The following NTN4 variants were observed in gnomAD, a reference collection of about 807,000 sequenced individuals.
NTN4 encodes netrin 4.
Under a neutral mutation model 73.6 loss-of-function variants are expected in NTN4, and 32 were observed. The observed-to-expected ratio is 0.44, with a 90% CI of 0.33 to 0.58. NTN4 has a LOEUF of 0.58. Among genes scored for constraint, NTN4 ranks in the 20% least tolerant of loss-of-function variants. The probability of loss-of-function intolerance (pLI) is 0.04; values close to 1 mark genes in which losing one functional copy is unlikely to be tolerated. For missense variants in NTN4, 654 were observed against 798.3 expected (o/e 0.82, Z 2.18); for synonymous variants, 258 against 287.5 (o/e 0.90, Z 1.04).
At chr12:95,743,673 CTT>C (rs1458534367) in intron 2 of NTN4, among the ~76,000 whole-genome samples, 2 of 152,140 alleles carry the variant, frequency 1.3e-5, no homozygotes, top group Non-Finnish European at 2.9e-5. Context: ...TGATTTCTAA[CTT>C]AATTTCATTG....
chr12:95,701,102 C>G (rs1368558622), intron 5 of NTN4, among the ~76,000 whole-genome samples: 1 of 152,114 alleles, frequency 6.6e-6, no homozygotes, highest in Non-Finnish European at 1.5e-5. Flanking sequence ...TGTGAGCCAC[C>G]ACCCCTGCTG....
rs190873550 is a variant in NTN4 at position 95,746,826 on chromosome 12, G to A, written c.586-8682C>T. On this transcript the variant is annotated intron_variant, in intron 2 of 9. Transcript: ENST00000343702. The stretch of plus-strand genomic sequence containing the variant: ...TAGGCAGTAAGCTGGGGTAATTGTA[G>A]GGCTCACCTCATTTGTTTCCCTTCT... 1.7e-4 allele frequency among the ~76,000 whole-genome samples: 26 copies of A among 152,216 alleles called. No individual in the cohort carries two copies. In the East Asian group the frequency reaches 3.7e-3, roughly 21 times the overall value.
intron 3 of NTN4, among the ~76,000 whole-genome samples, chr12:95,734,329 C>A (rs1314881803): frequency 7.9e-5 from 12 of 152,108 alleles, no homozygotes; most frequent in Admixed American, 7.9e-4. Context: ...AGCATTAGAA[C>A]ACCTGGAGGG....
At chr12:95,782,605 C>T (rs889159599) in intron 2 of NTN4, among the ~76,000 whole-genome samples, 6 of 152,146 alleles carry the variant, frequency 3.9e-5, no homozygotes, top group African/African-American at 1.4e-4. Flanking sequence ...TAATCCTTTT[C>T]TATTCAAAGA....
intron 3 of NTN4, among the ~76,000 whole-genome samples, chr12:95,719,417 A>G (rs1039606758): frequency 1.1e-4 from 16 of 152,212 alleles, no homozygotes; most frequent in African/African-American, 3.6e-4. Context: ...CTCTATAGCT[A>G]TGACACATAA....
chr12:95,714,292 C>T (rs1224338244), intron 3 of NTN4, among the ~76,000 whole-genome samples: 2 of 152,072 alleles, frequency 1.3e-5, no homozygotes, highest in African/African-American at 2.4e-5. Flanking sequence ...CATTCCAGTA[C>T]CAAGATTATT....
intron 2 of NTN4, among the ~76,000 whole-genome samples, chr12:95,770,543 T>G (rs1160810948): frequency 6.6e-6 from 1 of 152,146 alleles, no homozygotes; most frequent in Admixed American, 6.6e-5. Flanking sequence ...GGACACAGAA[T>G]ATGAGAGAAG....
intron 2 of NTN4, among the ~76,000 whole-genome samples, chr12:95,747,276 A>T (rs940761888): frequency 1.3e-5 from 2 of 152,120 alleles, no homozygotes; most frequent in Non-Finnish European, 2.9e-5. Flanking sequence ...TCCCATTATA[A>T]CTTTTCAAAT....
intron 2 of NTN4, among the ~76,000 whole-genome samples, chr12:95,779,228 A>G (rs1214260725): frequency 1.3e-5 from 2 of 152,224 alleles, no homozygotes; most frequent in Admixed American, 1.3e-4. Context: ...AACTGGAAGC[A>G]TTCCCTTTGA....
intron 2 of NTN4, among the ~76,000 whole-genome samples, chr12:95,751,800 C>T (rs1249228298): frequency 8.3e-6 from 1 of 120,966 alleles, no homozygotes; most frequent in Admixed American, 8.0e-5. Context: ...GCCTGTTTCC[C>T]TTGCCTCCAT....
chr12:95,678,947 T>A lies in NTN4; in HGVS notation c.1510+3760A>T, dbSNP rs184184656. ...GAACACTTTCCCAATAGCAATAAAA[T>A]CTAAAGGTATCTAGGAGTAAATTTA... On this transcript the variant is annotated intron_variant, in intron 7 of 9. Coordinates refer to ENST00000343702, the MANE Select transcript of NTN4 (RefSeq NM_021229.4). Among the ~76,000 whole-genome samples the A allele has an allele frequency of 2.1e-3, 319 of 152,190 alleles. 1 individual carries two copies. Among genetic ancestry groups the A allele is most frequent in the Middle Eastern group, 0.017 (5 of 294 alleles).
intron 2 of NTN4, among the ~76,000 whole-genome samples, chr12:95,754,281 T>C (rs977842965): frequency 1.3e-5 from 2 of 151,108 alleles, no homozygotes; most frequent in African/African-American, 4.9e-5. Flanking sequence ...TACCACAAAA[T>C]CTTCCTTCAG....
At chr12:95,664,028 A>G (rs1223735785) in intron 9 of NTN4, among the ~76,000 whole-genome samples, 1 of 152,066 alleles carries the variant, frequency 6.6e-6, no homozygotes, top group African/African-American at 2.4e-5. Context: ...TATTACTTCA[A>G]TTTGTTCTTT....
At chr12:95,721,196 C>G (rs962855964) in intron 3 of NTN4, among the ~76,000 whole-genome samples, 1 of 152,120 alleles carries the variant, frequency 6.6e-6, no homozygotes, top group Non-Finnish European at 1.5e-5. Flanking sequence ...GGTGTGTCCT[C>G]CCAAAACTTG....
chr12:95,676,800 TTAAGATCAGTA>T (rs2078277062), intron 7 of NTN4, among the ~76,000 whole-genome samples: 1 of 151,814 alleles, frequency 6.6e-6, no homozygotes, highest in African/African-American at 2.4e-5. Context: ...GAGAAGCAAA[TTAAGATCAGTA>T]TAAGACAATA....
intron 5 of NTN4, among the ~76,000 whole-genome samples, chr12:95,687,873 G>A (rs758116062): frequency 9.2e-5 from 14 of 152,124 alleles, no homozygotes; most frequent in Non-Finnish European, 1.9e-4. Flanking sequence ...TTGACCTGGA[G>A]GATATTCCAG....
chr12:95,775,397 G>A (rs1250266045), intron 2 of NTN4, among the ~76,000 whole-genome samples: 2 of 152,352 alleles, frequency 1.3e-5, no homozygotes, highest in Non-Finnish European at 2.9e-5. Context: ...GCCTCACCCA[G>A]GAAGCACAAA....
At chr12:95,754,531 G>A (rs1056486567) in intron 2 of NTN4, among the ~76,000 whole-genome samples, 7 of 152,102 alleles carry the variant, frequency 4.6e-5, no homozygotes, top group Admixed American at 4.6e-4. Context: ...ATGGCCTCAA[G>A]TAACTGAAGA....
chr12:95,683,143 T>C (rs2078332175), intron 6 of NTN4, among the ~76,000 whole-genome samples: 1 of 152,212 alleles, frequency 6.6e-6, no homozygotes, highest in Non-Finnish European at 1.5e-5. Context: ...CATTGCAAAC[T>C]CTGCCTTCCG....
Sources: gnomAD v4.1 joint callset for allele counts (sites outside exome capture counted in the v4.1 genomes callset) on GRCh38, gnomAD v4.1.1 for gene constraint, MANE v1.5 for transcripts, NCBI Gene and HGNC (gene_info 2026-07-23, HGNC 2026-07-21) for gene names.